Variants in EPSTI1 observed in about 807,000 individuals in gnomAD.
The protein encoded by EPSTI1 is epithelial-stromal interaction protein 1.
A neutral mutation model predicts 49.9 loss-of-function variants in EPSTI1; 66 were observed. The ratio of observed to expected loss-of-function variants is 1.32; its 90% CI spans 1.08 to 1.62. EPSTI1 has a LOEUF of 1.62. Among genes scored for constraint, EPSTI1 ranks in the 40% most tolerant of loss-of-function variants. The pLI, the probability that EPSTI1 is intolerant of heterozygous loss-of-function variation, is 0.00. For missense variants in EPSTI1, 394 were observed against 365.5 expected, an observed-to-expected ratio of 1.08 and a Z score of -0.64; for synonymous variants, 137 against 130.7, an observed-to-expected ratio of 1.05 and a Z score of -0.33.
In EPSTI1 at chr13:42,922,040, T is replaced by C. The variant is rs947709630; in HGVS notation, c.657+4296A>G. ...TGTTTAAAGAGTTGTACAGAAGATA[T>C]AACCAGAGTATACCGACTGGCTTGG... On this transcript the variant is annotated intron_variant, in intron 7 of 10. Transcript: ENST00000313624. This position sits in a 1 kb window ranked among gnomAD's most constrained non-coding sequence, Gnocchi z 4.8. Among the ~76,000 whole-genome samples, 2 of 152,162 alleles carry C rather than the reference T, an allele frequency of 1.3e-5. No homozygotes were observed. The highest frequency in any genetic ancestry group is 4.8e-5 in the African/African-American group (2 of 41,436).
rs1302939786 is a variant in EPSTI1 at position 42,886,471 on chromosome 13, C to T, written c.*2023G>A. Reference sequence around the variant, plus strand: ...TGCCTAAAGTTTCTATAACAAACATCTTACATTGGAACGATTTTCTTGTTT... The same window carrying T: ...TGCCTAAAGTTTCTATAACAAACATTTTACATTGGAACGATTTTCTTGTTT... On this transcript the variant is annotated 3_prime_UTR_variant, in exon 11 of 11. Coordinates refer to ENST00000313624, the MANE Select transcript of EPSTI1 (RefSeq NM_033255.5). The T allele has an allele frequency of 6.6e-6, 1 of 151,876 alleles. No homozygotes were observed. 9.4% of individuals were successfully genotyped at this position (151,876 alleles called of 1,614,324 possible).
intron 9 of EPSTI1, 135 bp from the exon 10 acceptor site, chr13:42,895,243 C>T: frequency 4.7e-6 from 3 of 639,288 alleles, no homozygotes; most frequent in South Asian, 2.2e-5. Flanking sequence ...TCCACAGAAA[C>T]TTCTCTTCAC....
intron 9 of EPSTI1, among the ~76,000 whole-genome samples, chr13:42,895,574 C>A (rs1033571946): frequency 9.2e-5 from 14 of 152,216 alleles, no homozygotes; most frequent in African/African-American, 3.4e-4. Context: ...CTAAAGTAAA[C>A]CCCATACATG....
At chr13:42,973,328 T>C (rs2039809627) in intron 1 of EPSTI1, among the ~76,000 whole-genome samples, 1 of 152,190 alleles carries the variant, frequency 6.6e-6, no homozygotes, top group Non-Finnish European at 1.5e-5. Flanking sequence ...GCTCTGAATT[T>C]AGAGGGTTTT....
chr13:42,892,409 G>C (rs2037063587), intron 10 of EPSTI1, among the ~76,000 whole-genome samples: 1 of 152,196 alleles, frequency 6.6e-6, no homozygotes, highest in Non-Finnish European at 1.5e-5. Context: ...GGATAATGAT[G>C]ATAAGGGTGG....
intron 8 of EPSTI1, among the ~76,000 whole-genome samples, chr13:42,913,157 A>G (rs1462095353): frequency 2.6e-5 from 4 of 152,102 alleles, no homozygotes. Flanking sequence ...AGTAAAAAAA[A>G]AGAAAACTAA....
At chr13:42,890,837 A>G (rs2037016721) in intron 10 of EPSTI1, among the ~76,000 whole-genome samples, 2 of 151,912 alleles carry the variant, frequency 1.3e-5, no homozygotes, top group South Asian at 4.1e-4. Flanking sequence ...CAATCCTTAT[A>G]TCTTAACGGA....
At chr13:42,974,806 G>A (rs2039849465) in intron 1 of EPSTI1, among the ~76,000 whole-genome samples, 1 of 152,170 alleles carries the variant, frequency 6.6e-6, no homozygotes, top group South Asian at 2.1e-4. Flanking sequence ...TATCTTGGCT[G>A]GCTAAAAGTA....
intron 6 of EPSTI1, among the ~76,000 whole-genome samples, chr13:42,940,159 A>G (rs916924464): frequency 2.6e-5 from 4 of 151,988 alleles, no homozygotes; most frequent in South Asian, 2.1e-4. Flanking sequence ...CAACTTCGTC[A>G]TCTCTTTTTT....
intron 6 of EPSTI1, among the ~76,000 whole-genome samples, chr13:42,942,323 G>C (rs1337007064): frequency 1.3e-5 from 2 of 151,938 alleles, no homozygotes; most frequent in Non-Finnish European, 2.9e-5. Context: ...TGACTTATTG[G>C]ACTTAATATT....
At chr13:42,949,067 T>C (rs1478873080) in intron 6 of EPSTI1, among the ~76,000 whole-genome samples, 1 of 152,142 alleles carries the variant, frequency 6.6e-6, no homozygotes, top group Non-Finnish European at 1.5e-5. Context: ...GGCAATAAGA[T>C]AACAAATTCC....
At chr13:42,970,453 A>T (rs1174597466) in intron 2 of EPSTI1, 159 bp downstream of exon 2, 1 of 525,770 alleles carries the variant, frequency 1.9e-6, no homozygotes, top group Non-Finnish European at 3.2e-6. Context: ...TTAATAGTAG[A>T]ATATTTTTAA....
intron 10 of EPSTI1, 128 bp downstream of exon 10, chr13:42,894,881 C>T (rs1390986223): frequency 1.3e-6 from 1 of 748,596 alleles, no homozygotes; most frequent in Non-Finnish European, 2.1e-6. Context: ...GACTGCCCAT[C>T]ACACTGCCAA....
chr13:42,939,836 A>C (rs963061531), intron 6 of EPSTI1, among the ~76,000 whole-genome samples: 1 of 152,246 alleles, frequency 6.6e-6, no homozygotes, highest in Non-Finnish European at 1.5e-5. Context: ...ATTTTAAAAA[A>C]TGAAATATCT....
Position 42,888,419 on chromosome 13 carries a change from A to G in EPSTI1, c.*75T>C. The G allele has an allele frequency of 6.2e-7, 1 of 1,614,160 alleles. No individual in the cohort carries two copies. ...GGTAAAAACAGTGAGGCTGAACAAA[A>G]TCACATTAAGAAAAAGCATCTCATG... On this transcript the variant is annotated 3_prime_UTR_variant, in exon 11 of 11. Transcript: ENST00000313624.
intron 9 of EPSTI1, among the ~76,000 whole-genome samples, chr13:42,899,197 C>CAAA: frequency 8.2e-6 from 1 of 122,224 alleles, no homozygotes. Context: ...GACTCTGTCT[C>CAAA]AAAAAAAAAA....
chr13:42,916,496 T>C (rs2037835870), intron 8 of EPSTI1, among the ~76,000 whole-genome samples: 1 of 152,082 alleles, frequency 6.6e-6, no homozygotes, highest in African/African-American at 2.4e-5. Flanking sequence ...CTCAAAAGGG[T>C]CAAATTATAG....
chr13:42,987,564 G>C (rs1594767237), intron 1 of EPSTI1, among the ~76,000 whole-genome samples: 1 of 143,536 alleles, frequency 7.0e-6, no homozygotes, highest in Non-Finnish European at 1.6e-5. Context: ...TTAAAACATT[G>C]AGGTTTTTTT....
At chr13:42,954,976 G>T (rs2039214331) in intron 5 of EPSTI1, among the ~76,000 whole-genome samples, 1 of 152,230 alleles carries the variant, frequency 6.6e-6, no homozygotes, top group Non-Finnish European at 1.5e-5. Flanking sequence ...GAAACTGCTT[G>T]TATTGTTCAT....
Sources: gnomAD v4.1 joint callset for allele counts (sites outside exome capture counted in the v4.1 genomes callset) on GRCh38, gnomAD v4.1.1 for gene constraint, Gnocchi (gnomAD v3.1) non-coding constraint, MANE v1.5 for transcripts, NCBI Gene and HGNC (gene_info 2026-07-23, HGNC 2026-07-21) for gene names.